PLCL1: variants seen among roughly 807,000 people sequenced by gnomAD.
The protein encoded by PLCL1 is phospholipase C like 1 (inactive), also known as inactive phospholipase C-like protein 1.
A neutral mutation model predicts 84.4 loss-of-function variants in PLCL1; 41 were observed. The ratio of observed to expected loss-of-function variants is 0.49; its 90% CI spans 0.38 to 0.63. The LOEUF (loss-of-function observed/expected upper bound fraction) is 0.63, where lower values mean the gene tolerates loss of function less well. Among genes scored for constraint, PLCL1 ranks in the 30% least tolerant of loss-of-function variants. PLCL1 has a pLI of 0.00. For synonymous variants in PLCL1, 490 were observed against 488.3 expected, an observed-to-expected ratio of 1.00 and a Z score of -0.05; for missense variants, 1,206 against 1,367.8, an observed-to-expected ratio of 0.88 and a Z score of 1.87.
intron 1 of PLCL1, among the ~76,000 whole-genome samples, chr2:198,023,779 A>G (rs1003170796): frequency 2.0e-5 from 3 of 152,200 alleles, no homozygotes; most frequent in African/African-American, 7.2e-5. Flanking sequence ...AGAAATAGGA[A>G]CACTTTTACC....
intron 1 of PLCL1, among the ~76,000 whole-genome samples, chr2:197,952,947 C>T (rs2105783492): frequency 6.6e-6 from 1 of 152,118 alleles, no homozygotes; most frequent in South Asian, 2.1e-4. Context: ...GTTACCCAGT[C>T]TTGGGTATGT....
In PLCL1 at chr2:197,958,160, G is replaced by A. The variant is rs1689528825; in HGVS notation, c.241-125598G>A. 2.6e-5 allele frequency among the ~76,000 whole-genome samples: 4 copies of A among 151,948 alleles called. No homozygotes were observed. In the South Asian group the frequency reaches 8.3e-4, roughly 31 times the overall value. ...TTGGTGGGATAAAAAGTTTACATAT[G>A]AGTTAATTAGCCTTTTTTTTTGGTG... On this transcript the variant is annotated intron_variant, in intron 1 of 5. Coordinates refer to ENST00000428675, the MANE Select transcript of PLCL1 (RefSeq NM_006226.4).
intron 1 of PLCL1, among the ~76,000 whole-genome samples, chr2:197,994,598 A>G (rs1347418172): frequency 6.6e-6 from 1 of 152,224 alleles, no homozygotes; most frequent in Non-Finnish European, 1.5e-5. Context: ...AATTTATCCA[A>G]GTATCTCTTA....
chr2:197,995,011 G>A (rs892549338), intron 1 of PLCL1, among the ~76,000 whole-genome samples: 1 of 152,068 alleles, frequency 6.6e-6, no homozygotes, highest in African/African-American at 2.4e-5. Flanking sequence ...TGCCCCATAA[G>A]TTTTGGGTTT....
chr2:197,934,936 C>T (rs1689019830), intron 1 of PLCL1, among the ~76,000 whole-genome samples: 1 of 151,892 alleles, frequency 6.6e-6, no homozygotes, highest in Admixed American at 6.6e-5. Context: ...AATTAACAAG[C>T]AAGAAACAAA....
At chr2:198,038,148 AG>A (rs1691586252) in intron 1 of PLCL1, among the ~76,000 whole-genome samples, 1 of 152,176 alleles carries the variant, frequency 6.6e-6, no homozygotes, top group Non-Finnish European at 1.5e-5. Flanking sequence ...GAGTCAGAAA[AG>A]GGCTTTTGTT....
chr2:198,005,650 A>G (rs1269556173), intron 1 of PLCL1, among the ~76,000 whole-genome samples: 3 of 152,244 alleles, frequency 2.0e-5, no homozygotes, highest in Admixed American at 1.3e-4. Context: ...ATAAAAAAGT[A>G]TGCGGCACTG....
intron 1 of PLCL1, among the ~76,000 whole-genome samples, chr2:198,026,765 C>T (rs561478579): frequency 6.6e-5 from 10 of 152,180 alleles, no homozygotes; most frequent in Admixed American, 4.6e-4. Flanking sequence ...TATGAAAAAA[C>T]GCTCAACATT....
chr2:197,917,308 T>G (rs572763681), intron 1 of PLCL1, among the ~76,000 whole-genome samples: 1 of 152,296 alleles, frequency 6.6e-6, no homozygotes, highest in South Asian at 2.1e-4. Context: ...AAAATATTAT[T>G]CATTGATAAA....
intron 5 of PLCL1, among the ~76,000 whole-genome samples, chr2:198,125,027 C>T (rs983340369): frequency 6.6e-6 from 1 of 152,076 alleles, no homozygotes; most frequent in Admixed American, 6.5e-5. Context: ...CCATAATGGA[C>T]AACAGAGATA....
chr2:197,838,310 C>T (rs961674051), intron 1 of PLCL1, among the ~76,000 whole-genome samples: 6 of 152,126 alleles, frequency 3.9e-5, no homozygotes, highest in African/African-American at 1.2e-4. Flanking sequence ...ATTCTGCTTT[C>T]GAAGAGCATT....
At chr2:197,835,845 CA>C (rs1559020052) in intron 1 of PLCL1, among the ~76,000 whole-genome samples, 1 of 152,100 alleles carries the variant, frequency 6.6e-6, no homozygotes, top group African/African-American at 2.4e-5. Flanking sequence ...AATATTAACT[CA>C]TTTTTTTCAG....
At chr2:197,855,737 G>T (rs967175302) in intron 1 of PLCL1, among the ~76,000 whole-genome samples, 2 of 151,998 alleles carry the variant, frequency 1.3e-5, no homozygotes, top group African/African-American at 4.8e-5. Flanking sequence ...CTCCACTTGG[G>T]TTAGTCTTTG....
intron 1 of PLCL1, among the ~76,000 whole-genome samples, chr2:198,070,297 C>T (rs1313193109): frequency 6.6e-6 from 1 of 152,030 alleles, no homozygotes; most frequent in African/African-American, 2.4e-5. Flanking sequence ...TTGATTTAAA[C>T]ATCTAGTAAG....
At chr2:197,868,738 A>T (rs1239048772) in intron 1 of PLCL1, among the ~76,000 whole-genome samples, 1 of 148,736 alleles carries the variant, frequency 6.7e-6, no homozygotes, top group Non-Finnish European at 1.5e-5. Context: ...GTTCACTTGA[A>T]CTCCTAGATT....
Position 198,085,251 on chromosome 2 carries a change from A to G in PLCL1, c.1734A>G (p.Gln578=), listed in dbSNP as rs1463124911. ...TAGATTACAATGGTGAGCAGAAGCA[A>G]ATCCGACTCTGTAGGGAGCTCTCTG... The part of the protein sequence containing the change: ...MSVDYNGEQK[Q]IRLCRELSDL... The change falls in exon 2 of 6, where the codon CAA becomes CAG. Residue 578 remains glutamine, a synonymous_variant. Transcript: ENST00000428675. This position sits in a 1 kb window ranked among gnomAD's most constrained non-coding sequence, Gnocchi z 5.3. The G allele has an allele frequency of 1.9e-6, 3 of 1,614,122 alleles. No homozygotes were observed.
intron 1 of PLCL1, among the ~76,000 whole-genome samples, chr2:197,831,840 A>G (rs561938838): frequency 6.6e-6 from 1 of 152,244 alleles, no homozygotes; most frequent in African/African-American, 2.4e-5. Context: ...AGTGCAATCA[A>G]ATTAGAACTC....
chr2:197,974,164 G>T (rs1216522447), intron 1 of PLCL1, among the ~76,000 whole-genome samples: 1 of 152,034 alleles, frequency 6.6e-6, no homozygotes, highest in African/African-American at 2.4e-5. Context: ...AGGAGGGAGA[G>T]ACCTGGGGAG....
chr2:198,133,331 T>A (rs1316484843), intron 5 of PLCL1, among the ~76,000 whole-genome samples: 2 of 129,664 alleles, frequency 1.5e-5, no homozygotes, highest in South Asian at 2.4e-4. Context: ...AACAATGAGA[T>A]CACATGGACA....
Sources: allele counts gnomAD v4.1 joint callset (sites outside exome capture counted in the v4.1 genomes callset), GRCh38; gene constraint gnomAD v4.1.1; non-coding constraint Gnocchi (gnomAD v3.1); transcripts MANE v1.5; gene names NCBI Gene and HGNC (gene_info 2026-07-23, HGNC 2026-07-21).